BAD: variants seen among roughly 807,000 people sequenced by gnomAD.
The protein encoded by BAD is bcl2-associated agonist of cell death.
BAD carries 18 observed loss-of-function variants against 17.8 expected under a neutral mutation model. The observed-to-expected ratio is 1.01, with a 90% CI of 0.70 to 1.50. BAD has a LOEUF of 1.50. Ranked by LOEUF, BAD falls within the 40% of genes most tolerant of loss-of-function variation. BAD has a pLI of 0.00. For synonymous variants in BAD, 112 were observed against 91.5 expected, an observed-to-expected ratio of 1.22 and a Z score of -1.28; for missense variants, 294 against 239.3, an observed-to-expected ratio of 1.23 and a Z score of -1.51.
rs1318089580 is a variant in BAD at position 64,273,023 on chromosome 11, C to T, written c.188-1220G>A. ...GGTGGATTGCTTGAGTTCAGGAGTT[C>T]GAGACCAGCCTAGGCAACATTGCAA... On this transcript the variant is annotated intron_variant, in intron 2 of 3. Transcript: ENST00000309032. Among the ~76,000 whole-genome samples the T allele has an allele frequency of 4.6e-5, 7 of 152,052 alleles. No homozygotes were observed. The East Asian group carries it at 1.2e-3, about 25-fold the overall frequency.
At chr11:64,282,613 T>C (rs1180237943) in intron 2 of BAD, among the ~76,000 whole-genome samples, 2 of 152,044 alleles carry the variant, frequency 1.3e-5, no homozygotes, top group African/African-American at 4.8e-5. Context: ...GCATGGTGGC[T>C]CACGCCTGTA....
intron 2 of BAD, among the ~76,000 whole-genome samples, chr11:64,283,794 C>T (rs900078394): frequency 1.5e-4 from 22 of 150,764 alleles, no homozygotes; most frequent in African/African-American, 5.1e-4. Flanking sequence ...CTAATAGCTG[C>T]TATATATATA....
chr11:64,276,898 T>C (rs964661418), intron 2 of BAD: 1 of 758,250 alleles, frequency 1.3e-6, no homozygotes, highest in Non-Finnish European at 2.5e-6. Context: ...GGCCCCAGCA[T>C]GGCACCTCTA....
In BAD at chr11:64,271,870, G is replaced by C; in HGVS notation, c.188-67C>G. 24 of 1,262,280 alleles carry C rather than the reference G, an allele frequency of 1.9e-5. No individual in the cohort carries two copies. The South Asian group carries it at 5.7e-4, about 30-fold the overall frequency. The allele number at this position is 1,262,280 out of a possible 1,614,324, so 78.2% of individuals were successfully genotyped here. A position where few individuals can be genotyped will look rare whatever the true frequency, so the allele number is the denominator to read the frequency against. On this transcript the variant is annotated intron_variant, in intron 2 of 3. Coordinates refer to ENST00000309032, the MANE Select transcript of BAD (RefSeq NM_032989.3). ...CTCCTCTAAGCCCCTGGCCCTGCCT[G>C]AACCCTCCCCATCAGCTCTGCAGGC...
chr11:64,280,561 C>T (rs1354444334), intron 2 of BAD, among the ~76,000 whole-genome samples: 2 of 150,354 alleles, frequency 1.3e-5, no homozygotes, highest in Non-Finnish European at 3.0e-5. Context: ...CCGTGTTAGC[C>T]AGGATGGTCT....
intron 2 of BAD, chr11:64,276,668 A>G: frequency 2.0e-6 from 1 of 503,822 alleles, no homozygotes; most frequent in Admixed American, 3.7e-5. Flanking sequence ...ACAGGGAAAA[A>G]CCCTGGGGGA....
At chr11:64,273,348 G>C (rs2032782417) in intron 2 of BAD, among the ~76,000 whole-genome samples, 1 of 152,130 alleles carries the variant, frequency 6.6e-6, no homozygotes, top group African/African-American at 2.4e-5. Context: ...ACTCCAGCCT[G>C]GGTGGCAGAG....
At chr11:64,273,652 T>TG (rs1369578238) in intron 2 of BAD, among the ~76,000 whole-genome samples, 2 of 151,024 alleles carry the variant, frequency 1.3e-5, no homozygotes, top group African/African-American at 4.9e-5. Flanking sequence ...AGGCCGAGGT[T>TG]GGGGAGATCA....
chr11:64,270,751 C>T, intron 3 of BAD: 1 of 463,474 alleles, frequency 2.2e-6, no homozygotes, highest in South Asian at 1.6e-5. Flanking sequence ...GCCGTGATCG[C>T]ACCACTGCAC....
rs763796520 is a variant in BAD, at chr11:64,270,897, TGA to T, written c.379-562_379-561del. Among the ~76,000 whole-genome samples, 786 of 91,844 alleles carry T rather than the reference TGA, an allele frequency of 8.6e-3. 58 individuals are homozygous for T. The highest frequency in any genetic ancestry group is 0.028 in the South Asian group (60 of 2,168). The allele number at this position is 91,844 out of a possible 152,430, so 60.3% of individuals were successfully genotyped here. On this transcript the variant is annotated intron_variant, in intron 3 of 3. Coordinates refer to ENST00000309032, the MANE Select transcript of BAD (RefSeq NM_032989.3). ...AGACTACAGATCCCAGCATGCCCTG[TGA>T]GACACACACACACACACACACACAC... is the stretch of plus-strand genomic sequence containing the variant.
At chr11:64,284,573 C>T in intron 1 of BAD, 58 bp downstream of exon 1, 1 of 1,494,094 alleles carries the variant, frequency 6.7e-7, no homozygotes, top group South Asian at 1.3e-5. Flanking sequence ...AGTCTCCCCT[C>T]AGAACCCCGG....
chr11:64,271,539 G>C (rs1023132976), intron 3 of BAD, 74 bp downstream of exon 3: 4 of 1,331,476 alleles, frequency 3.0e-6, no homozygotes, highest in Non-Finnish European at 3.9e-6. Context: ...GCGTGCCTTG[G>C]GACAAGGCAG....
chr11:64,269,977 G>A lies in BAD; in HGVS notation c.*232C>T, dbSNP rs1414467680. ...GGGGAAAGCCCGGAGCCTGAGGGCG[G>A]GGCCACGGAGCCACTTCCGGCGGCT... is the stretch of plus-strand genomic sequence containing the variant. On this transcript the variant is annotated 3_prime_UTR_variant, in exon 4 of 4. Coordinates refer to ENST00000309032, the MANE Select transcript of BAD (RefSeq NM_032989.3). 1 of 793,422 alleles carries A rather than the reference G, an allele frequency of 1.3e-6. No homozygotes were observed. The highest frequency in any genetic ancestry group is 2.1e-6 in the Non-Finnish European group (1 of 478,082). 49.1% of individuals were successfully genotyped at this position (793,422 alleles called of 1,614,324 possible). A position where few individuals can be genotyped will look rare whatever the true frequency, so the allele number is the denominator to read the frequency against.
In BAD at chr11:64,284,629, AC is replaced by A. The variant is rs1297163726; in HGVS notation, c.-9+1del. On this transcript the variant is annotated splice_donor_variant, in intron 1 of 3. Transcript: ENST00000309032. LOFTEE classifies it low-confidence loss of function (5UTR_SPLICE). ...CCCGTGGTGACGGCGCACAGGTCTCACCCCAAGCCCGATCTCGAGGCCCCTG... is the reference window on the plus strand; with the variant it reads ...CCCGTGGTGACGGCGCACAGGTCTCACCCAAGCCCGATCTCGAGGCCCCTG... 4 of 1,520,246 alleles carry A rather than the reference AC, an allele frequency of 2.6e-6. No homozygotes were observed. The highest frequency in any genetic ancestry group is 3.5e-6 in the Non-Finnish European group (4 of 1,139,690). The allele number at this position is 1,520,246 out of a possible 1,614,324, so 94.2% of individuals were successfully genotyped here.
At chr11:64,273,355 A>C (rs1208050238) in intron 2 of BAD, among the ~76,000 whole-genome samples, 2 of 152,192 alleles carry the variant, frequency 1.3e-5, no homozygotes, top group African/African-American at 4.8e-5. Flanking sequence ...CCTGGGTGGC[A>C]GAGCGAGACT....
At chr11:64,281,167 C>T (rs1280538395) in intron 2 of BAD, among the ~76,000 whole-genome samples, 1 of 152,148 alleles carries the variant, frequency 6.6e-6, no homozygotes, top group South Asian at 2.1e-4. Context: ...CGGGGTTCAC[C>T]GTGTTAGCCA....
chr11:64,284,170 T>C lies in BAD; in HGVS notation c.187+12A>G. 1 of 1,567,710 alleles carries C rather than the reference T, an allele frequency of 6.4e-7. No individual in the cohort carries two copies. Among genetic ancestry groups the C allele is most frequent in the Non-Finnish European group, 8.6e-7 (1 of 1,156,586 alleles). The stretch of plus-strand genomic sequence containing the variant: ...GAGGTGTCCCGGCAGGTGGAGGTGG[T>C]GGGGTACTTACCTCCATGATGGCTG... On this transcript the variant is annotated intron_variant, in intron 2 of 3. Transcript: ENST00000309032.
intron 2 of BAD, 190 bp from the exon 3 acceptor site, chr11:64,271,993 G>A: frequency 4.7e-6 from 2 of 423,036 alleles, no homozygotes; most frequent in Non-Finnish European, 8.1e-6. Flanking sequence ...CTTTGGTGAA[G>A]ATTTAGGTTA....
At chr11:64,283,500 C>A (rs1277150256) in intron 2 of BAD, among the ~76,000 whole-genome samples, 1 of 152,246 alleles carries the variant, frequency 6.6e-6, no homozygotes, top group African/African-American at 2.4e-5. Context: ...CCCCACACAG[C>A]CCTGCTGTCT....
Sources: gnomAD v4.1 joint callset for allele counts (sites outside exome capture counted in the v4.1 genomes callset) on GRCh38, gnomAD v4.1.1 for gene constraint, MANE v1.5 for transcripts, NCBI Gene and HGNC (gene_info 2026-07-23, HGNC 2026-07-21) for gene names.